Variants in MCC observed in about 807,000 individuals in gnomAD.
MCC encodes MCC regulator of Wnt signaling pathway.
A neutral mutation model predicts 116.2 loss-of-function variants in MCC; 90 were observed. The ratio of observed to expected loss-of-function variants is 0.77; its 90% CI spans 0.65 to 0.92. The LOEUF (loss-of-function observed/expected upper bound fraction) is 0.92. Among genes scored for constraint, MCC ranks in the 40% least tolerant of loss-of-function variants. The pLI is 0.00. For synonymous variants in MCC, 578 were observed against 510.5 expected (o/e 1.13, Z -1.78); for missense variants, 1,516 against 1,312.2 (o/e 1.16, Z -2.40).
intron 2 of MCC, among the ~76,000 whole-genome samples, chr5:113,357,489 T>G (rs1484538780): frequency 2.0e-5 from 3 of 151,988 alleles, no homozygotes; most frequent in Non-Finnish European, 2.9e-5. Context: ...GACCATCAGG[T>G]GATGGTCAGG....
At chr5:113,314,930 G>C (rs1767242712) in intron 3 of MCC, among the ~76,000 whole-genome samples, 1 of 152,316 alleles carries the variant, frequency 6.6e-6, no homozygotes, top group Non-Finnish European at 1.5e-5. Flanking sequence ...CAGTTCAAAA[G>C]TCCAGCAGGA....
chr5:113,418,441 A>G (rs1027230248), intron 1 of MCC, among the ~76,000 whole-genome samples: 1 of 152,152 alleles, frequency 6.6e-6, no homozygotes, highest in African/African-American at 2.4e-5. Flanking sequence ...GTTTAAATAG[A>G]CATATGTTCA....
chr5:113,118,424 GTCAAAGCACTT>G (rs1215540367), intron 6 of MCC, among the ~76,000 whole-genome samples: 1 of 152,226 alleles, frequency 6.6e-6, no homozygotes, highest in Non-Finnish European at 1.5e-5. Flanking sequence ...TGCTTAGTAA[GTCAAAGCACTT>G]TTTAATTGGA....
At chr5:113,088,835 G>A (rs918138815) in intron 8 of MCC, among the ~76,000 whole-genome samples, 25 of 152,058 alleles carry the variant, frequency 1.6e-4, no homozygotes, top group Non-Finnish European at 3.1e-4. Flanking sequence ...TTTGAGACAC[G>A]GTCTCACTAT....
chr5:113,420,282 A>C (rs1178549773), intron 1 of MCC, among the ~76,000 whole-genome samples: 1 of 148,654 alleles, frequency 6.7e-6, no homozygotes, highest in Non-Finnish European at 1.5e-5. Flanking sequence ...GTGCAACAAC[A>C]ACAGCACCAA....
chr5:113,101,736 C>A lies in MCC; in HGVS notation c.1398+3G>T. 2 of 1,612,948 alleles carry A rather than the reference C, an allele frequency of 1.2e-6. No homozygotes were observed. The highest frequency in any genetic ancestry group is 1.7e-6 in the Non-Finnish European group (2 of 1,180,024). On this transcript the variant is annotated splice_donor_region_variant and intron_variant, in intron 8 of 18. Transcript: ENST00000408903. ...CTGACCATTATGGATGCAGCATGCT[C>A]ACCCTCCTCCGGAGCCGGTCCCGCT...
Position 113,255,238 on chromosome 5 carries a change from C to T in MCC, c.627+85281G>A, listed in dbSNP as rs561604442. Reference sequence around the variant, plus strand: ...TTTGCAATCTGATCACAGTGAGAGCCGACATGTGAGCCAAAGTCCTCGAGG... The same window carrying T: ...TTTGCAATCTGATCACAGTGAGAGCTGACATGTGAGCCAAAGTCCTCGAGG... On this transcript the variant is annotated intron_variant, in intron 3 of 18. Coordinates refer to ENST00000408903, the MANE Select transcript of MCC (RefSeq NM_001085377.2). Among the ~76,000 whole-genome samples, 21 of 152,230 alleles carry T rather than the reference C, an allele frequency of 1.4e-4. No homozygotes were observed. The East Asian group carries it at 2.9e-3, about 21-fold the overall frequency.
At chr5:113,276,404 G>GT (rs1412464135) in intron 3 of MCC, among the ~76,000 whole-genome samples, 1 of 151,866 alleles carries the variant, frequency 6.6e-6, no homozygotes, top group African/African-American at 2.4e-5. Context: ...CTTCTTTAAC[G>GT]TCAGACACCA....
chr5:113,070,335 T>C lies in MCC; in HGVS notation c.1925+759A>G, dbSNP rs538026621. Among the ~76,000 whole-genome samples the C allele has an allele frequency of 2.8e-4, 43 of 152,296 alleles. No homozygotes were observed. The South Asian group carries it at 8.5e-3, about 30-fold the overall frequency. ...AACCTATGATGATAATAATAAGGCA[T>C]AGTTTTGCAGCTTTAAACAAGCAGT... On this transcript the variant is annotated intron_variant, in intron 12 of 18. Transcript: ENST00000408903.
intron 2 of MCC, among the ~76,000 whole-genome samples, chr5:113,376,352 T>A (rs1230344417): frequency 2.6e-5 from 4 of 152,212 alleles, no homozygotes; most frequent in African/African-American, 9.6e-5. Context: ...CCTGTGTCAG[T>A]CTCTGTACTA....
chr5:113,184,633 C>A (rs1427605109), intron 3 of MCC, among the ~76,000 whole-genome samples: 1 of 151,836 alleles, frequency 6.6e-6, no homozygotes, highest in Non-Finnish European at 1.5e-5. Context: ...CAGCTTATAG[C>A]AGTTTGGTTT....
intron 14 of MCC, 113 bp downstream of exon 14, chr5:113,063,871 C>T: frequency 2.6e-6 from 3 of 1,160,916 alleles, no homozygotes; most frequent in South Asian, 3.3e-5. Flanking sequence ...GAAGCCATGT[C>T]TGCCTTTTCC....
In MCC at chr5:113,434,562, G is replaced by T. The variant is rs755041373; in HGVS notation, c.171-49350C>A. On this transcript the variant is annotated intron_variant, in intron 1 of 18. Coordinates refer to ENST00000408903, the MANE Select transcript of MCC (RefSeq NM_001085377.2). This position sits in a 1 kb window ranked among gnomAD's most constrained non-coding sequence, Gnocchi z 4.2. ...TAACTCGAGGAGGTCGCCCTGGACC[G>T]CGAGCTCCATGACGATGTAGACCTT... 9 of 1,613,358 alleles carry T rather than the reference G, an allele frequency of 5.6e-6. No individual in the cohort carries two copies. Among genetic ancestry groups the T allele is most frequent in the East Asian group, 2.2e-5 (1 of 44,854 alleles).
chr5:113,459,402 G>A (rs542649046), intron 1 of MCC, among the ~76,000 whole-genome samples: 3 of 151,920 alleles, frequency 2.0e-5, no homozygotes, highest in South Asian at 2.1e-4. Flanking sequence ...GCCGGGCGTG[G>A]TTGTGGGTGC....
At chr5:113,145,387 C>T (rs148723476) in intron 4 of MCC, among the ~76,000 whole-genome samples, 197 of 152,242 alleles carry the variant, frequency 1.3e-3, no homozygotes, top group African/African-American at 4.6e-3. Context: ...TTCCATATTC[C>T]GTCTAGGGCT....
At chr5:113,485,293 T>C (rs1227571831) in intron 1 of MCC, among the ~76,000 whole-genome samples, 2 of 152,212 alleles carry the variant, frequency 1.3e-5, no homozygotes, top group Non-Finnish European at 2.9e-5. Context: ...AGAGCAAATA[T>C]ACTTGAATGT....
chr5:113,055,371 G>A (rs1037069569), intron 14 of MCC, among the ~76,000 whole-genome samples: 1 of 152,164 alleles, frequency 6.6e-6, no homozygotes, highest in African/African-American at 2.4e-5. Context: ...CTCAGTAGCT[G>A]TAGTCCCCAC....
At chr5:113,336,943 A>C (rs906434336) in intron 3 of MCC, among the ~76,000 whole-genome samples, 1 of 152,220 alleles carries the variant, frequency 6.6e-6, no homozygotes, top group Non-Finnish European at 1.5e-5. Flanking sequence ...GGAAATCCTC[A>C]ATGCTAAAAA....
chr5:113,418,906 C>A (rs541684926), intron 1 of MCC, among the ~76,000 whole-genome samples: 1 of 152,178 alleles, frequency 6.6e-6, no homozygotes, highest in African/African-American at 2.4e-5. Context: ...AGCTCCTCTT[C>A]GTGTCTCTCC....
Sources: allele counts gnomAD v4.1 joint callset (sites outside exome capture counted in the v4.1 genomes callset), GRCh38; gene constraint gnomAD v4.1.1; non-coding constraint Gnocchi (gnomAD v3.1); transcripts MANE v1.5; gene names NCBI Gene and HGNC (gene_info 2026-07-23, HGNC 2026-07-21).